The following APP variants were observed in gnomAD, a reference collection of about 807,000 sequenced individuals.
APP encodes the protein amyloid beta precursor protein.
Under a neutral mutation model 101.4 loss-of-function variants are expected in APP, and 31 were observed. The ratio of observed to expected loss-of-function variants is 0.31; its 90% CI spans 0.23 to 0.41. APP has a LOEUF of 0.41. Among genes scored for constraint, APP ranks in the 10% least tolerant of loss-of-function variants. The pLI is 1.00. For missense variants in APP, 839 were observed against 1,003.7 expected (o/e 0.84, Z 2.22); for synonymous variants, 366 against 364.4 (o/e 1.00, Z -0.05).
chr21:26,112,238 ATTCTT>A, intron 1 of APP, 92 bp from the exon 2 acceptor site: 1 of 1,310,470 alleles, frequency 7.6e-7, no homozygotes, highest in South Asian at 1.2e-5. Flanking sequence ...AAAGAGTTCT[ATTCTT>A]GCTCATTCTC....
intron 6 of APP, among the ~76,000 whole-genome samples, chr21:26,012,058 T>C (rs370792665): frequency 4.1e-5 from 6 of 145,528 alleles, no homozygotes; most frequent in African/African-American, 1.5e-4. Flanking sequence ...AAGGCTGGAG[T>C]GTGGTGGTGT....
At chr21:26,077,559 T>A (rs1394052787) in intron 3 of APP, among the ~76,000 whole-genome samples, 1 of 152,178 alleles carries the variant, frequency 6.6e-6, no homozygotes, top group Non-Finnish European at 1.5e-5. Flanking sequence ...AACGCTCCAG[T>A]AGAACCCTAA....
At chr21:25,882,115 C>G (rs566826032) in intron 17 of APP, among the ~76,000 whole-genome samples, 4 of 151,842 alleles carry the variant, frequency 2.6e-5, no homozygotes, top group African/African-American at 9.7e-5. Context: ...CAAACAGAGT[C>G]AACGGAAGCC....
chr21:26,019,152 T>C (rs974483907), intron 6 of APP, among the ~76,000 whole-genome samples: 2 of 152,240 alleles, frequency 1.3e-5, no homozygotes, highest in Non-Finnish European at 2.9e-5. Context: ...TATTGTCTCC[T>C]GGAAAAATCT....
At chr21:26,024,207 C>T (rs2044468913) in intron 5 of APP, among the ~76,000 whole-genome samples, 1 of 152,064 alleles carries the variant, frequency 6.6e-6, no homozygotes, top group Non-Finnish European at 1.5e-5. Context: ...CTAGATGTGG[C>T]AGGGGGTTTC....
intron 5 of APP, among the ~76,000 whole-genome samples, chr21:26,023,373 TAAA>T (rs35579863): frequency 9.1e-6 from 1 of 109,812 alleles, no homozygotes; most frequent in Non-Finnish European, 1.9e-5. Context: ...CCAAAAAAAT[TAAA>T]AAAAAAAAAA....
rs1351668901 is a variant in APP at position 26,140,116 on chromosome 21, G to A, written c.58-27970C>T. 3.6e-6 allele frequency: 5 copies of A among 1,404,262 alleles called. No homozygotes were observed. The African/African-American group carries it at 5.7e-5, about 16-fold the overall frequency. The allele number at this position is 1,404,262 out of a possible 1,614,324, so 87.0% of individuals were successfully genotyped here. On this transcript the variant is annotated intron_variant, in intron 1 of 17. Transcript: ENST00000346798. ...CAGAGTTTCATCTTACCCAAATACA[G>A]ACTAAAAACAATGCCAACTTCACAG...
chr21:25,973,740 C>G (rs778202488), intron 11 of APP, among the ~76,000 whole-genome samples: 1 of 151,848 alleles, frequency 6.6e-6, no homozygotes, highest in African/African-American at 2.4e-5. Flanking sequence ...GTCAGGAGTT[C>G]GAGATCAGCC....
chr21:26,143,116 G>GA (rs971643136), intron 1 of APP, among the ~76,000 whole-genome samples: 2 of 151,936 alleles, frequency 1.3e-5, no homozygotes, highest in African/African-American at 2.4e-5. Context: ...TTTTAAGGCA[G>GA]AAAAAAATGC....
intron 3 of APP, among the ~76,000 whole-genome samples, chr21:26,073,045 G>A (rs1293576999): frequency 6.6e-6 from 1 of 152,114 alleles, no homozygotes; most frequent in Non-Finnish European, 1.5e-5. Flanking sequence ...CCAGTAAATA[G>A]TATGTATGAG....
chr21:26,098,120 T>C (rs1197009831), intron 2 of APP, among the ~76,000 whole-genome samples: 2 of 146,704 alleles, frequency 1.4e-5, no homozygotes, highest in Non-Finnish European at 3.0e-5. Context: ...CATAAGAAAT[T>C]CCAAATCCTA....
At chr21:25,892,275 C>T (rs1164370278) in intron 16 of APP, among the ~76,000 whole-genome samples, 1 of 152,072 alleles carries the variant, frequency 6.6e-6, no homozygotes, top group African/African-American at 2.4e-5. Flanking sequence ...CACGATCATA[C>T]TAATGAAAGG....
At chr21:25,939,856 ATT>A (rs1347794198) in intron 13 of APP, among the ~76,000 whole-genome samples, 2 of 152,118 alleles carry the variant, frequency 1.3e-5, no homozygotes, top group African/African-American at 4.8e-5. Flanking sequence ...TCTAGACTTT[ATT>A]TTGACTGACA....
intron 2 of APP, among the ~76,000 whole-genome samples, chr21:26,091,677 C>A (rs1179774993): frequency 6.6e-6 from 1 of 151,868 alleles, no homozygotes; most frequent in East Asian, 1.9e-4. Flanking sequence ...GGTGGAGGAG[C>A]AAAGTGATTT....
rs200584092 is a variant in APP, at chr21:25,964,612, T to C, written c.1459-8857A>G. On this transcript the variant is annotated intron_variant, in intron 11 of 17. Coordinates refer to ENST00000346798, the MANE Select transcript of APP (RefSeq NM_000484.4). ...TAGTGACCTTTTTTCTTTTCTTTTTTTTTTTTTTTTTTCTGAGACGGAGTT... is the reference window on the plus strand; with the variant it reads ...TAGTGACCTTTTTTCTTTTCTTTTTCTTTTTTTTTTTTCTGAGACGGAGTT... Among the ~76,000 whole-genome samples the C allele has an allele frequency of 2.4e-3, 338 of 143,744 alleles. 5 individuals carry two copies. The East Asian group carries it at 0.035, about 15-fold the overall frequency. The allele number at this position is 143,744 out of a possible 152,430, so 94.3% of individuals were successfully genotyped here. A position where few individuals can be genotyped will look rare whatever the true frequency, so the allele number is the denominator to read the frequency against.
chr21:26,003,880 GAGGA>G (rs1203384808), intron 6 of APP, among the ~76,000 whole-genome samples: 1 of 152,206 alleles, frequency 6.6e-6, no homozygotes, highest in African/African-American at 2.4e-5. Flanking sequence ...TGACTTCGGA[GAGGA>G]CTGGGAAAGG....
At chr21:26,056,024 T>C (rs1317884557) in intron 3 of APP, among the ~76,000 whole-genome samples, 1 of 152,208 alleles carries the variant, frequency 6.6e-6, no homozygotes, top group African/African-American at 2.4e-5. Flanking sequence ...AAAGGACATG[T>C]ACTGCATTAA....
intron 13 of APP, among the ~76,000 whole-genome samples, chr21:25,951,489 T>A (rs1463978138): frequency 6.6e-6 from 1 of 152,220 alleles, no homozygotes; most frequent in African/African-American, 2.4e-5. Flanking sequence ...CAAACTTCTA[T>A]ACAAAAGGCA....
At chr21:25,891,981 G>C in intron 16 of APP, 113 bp from the exon 17 acceptor site, 2 of 1,120,776 alleles carry the variant, frequency 1.8e-6, no homozygotes, top group Non-Finnish European at 2.5e-6. Flanking sequence ...ATTTGGATGA[G>C]GTTATATAAA....
Sources: gnomAD v4.1 joint callset for allele counts (sites outside exome capture counted in the v4.1 genomes callset) on GRCh38, gnomAD v4.1.1 for gene constraint, MANE v1.5 for transcripts, NCBI Gene and HGNC (gene_info 2026-07-23, HGNC 2026-07-21) for gene names.